Variants in GNA14 observed in about 807,000 individuals in gnomAD.
GNA14 encodes the protein guanine nucleotide-binding protein subunit alpha-14.
Under a neutral mutation model 42.0 loss-of-function variants are expected in GNA14, and 50 were observed. The observed-to-expected ratio is 1.19, with a 90% CI of 0.95 to 1.51. The LOEUF is 1.51. GNA14 is among the 40% of genes most tolerant of loss of function. The probability of loss-of-function intolerance (pLI) is 0.00; values close to 1 mark genes in which losing one functional copy is unlikely to be tolerated. For synonymous variants in GNA14, 173 were observed against 163.1 expected, an observed-to-expected ratio of 1.06 and a Z score of -0.46; for missense variants, 473 against 446.2, an observed-to-expected ratio of 1.06 and a Z score of -0.54.
chr9:77,455,634 TA>T (rs1371054944), intron 2 of GNA14, among the ~76,000 whole-genome samples: 2 of 152,214 alleles, frequency 1.3e-5, no homozygotes, highest in Non-Finnish European at 2.9e-5. Flanking sequence ...CATATAGGGT[TA>T]TTGTTAGGGT....
At chr9:77,466,711 AC>A (rs1183010357) in intron 2 of GNA14, among the ~76,000 whole-genome samples, 1 of 152,116 alleles carries the variant, frequency 6.6e-6, no homozygotes, top group Non-Finnish European at 1.5e-5. Flanking sequence ...AGAGCTGGAC[AC>A]TTTAGATAAT....
intron 2 of GNA14, among the ~76,000 whole-genome samples, chr9:77,500,608 T>A (rs908401422): frequency 6.6e-6 from 1 of 152,124 alleles, no homozygotes; most frequent in Non-Finnish European, 1.5e-5. Flanking sequence ...CCCATCCCCA[T>A]CCCCACTGAG....
chr9:77,579,960 T>C (rs2117854317), intron 1 of GNA14, among the ~76,000 whole-genome samples: 2 of 152,348 alleles, frequency 1.3e-5, no homozygotes, highest in Admixed American at 1.3e-4. Flanking sequence ...GAACCTATTA[T>C]GAGCCAGGGT....
In GNA14 at chr9:77,580,966, T is replaced by C. The variant is rs556509050; in HGVS notation, c.125-51713A>G. On this transcript the variant is annotated intron_variant, in intron 1 of 6. Transcript: ENST00000341700. ...GCAGCTGCCTCACTGCCCATTGATT[T>C]CTTCAGAAGTTTCAATGCTTAAAGA... is the stretch of plus-strand genomic sequence containing the variant. Among the ~76,000 whole-genome samples the C allele has an allele frequency of 3.9e-5, 6 of 152,034 alleles. 1 individual carries two copies. In the South Asian group the frequency reaches 1.0e-3, roughly 26 times the overall value.
At chr9:77,587,799 T>C (rs1823328709) in intron 1 of GNA14, among the ~76,000 whole-genome samples, 1 of 152,198 alleles carries the variant, frequency 6.6e-6, no homozygotes, top group Non-Finnish European at 1.5e-5. Context: ...TCACTGCAAT[T>C]GAAACACATG....
intron 1 of GNA14, among the ~76,000 whole-genome samples, chr9:77,542,131 T>C (rs1837668292): frequency 6.6e-6 from 1 of 152,200 alleles, no homozygotes; most frequent in African/African-American, 2.4e-5. Flanking sequence ...TTTACGTTGA[T>C]ATCTGGTGTA....
intron 2 of GNA14, among the ~76,000 whole-genome samples, chr9:77,452,732 A>G (rs971877848): frequency 2.5e-5 from 3 of 121,874 alleles, no homozygotes; most frequent in African/African-American, 9.1e-5. Flanking sequence ...TCCAAAATCC[A>G]TACGTTGAAC....
intron 2 of GNA14, among the ~76,000 whole-genome samples, chr9:77,490,402 C>T (rs1240490509): frequency 4.6e-5 from 7 of 152,212 alleles, no homozygotes; most frequent in African/African-American, 7.2e-5. Flanking sequence ...AGCCCTTGGG[C>T]GGTGGATGGG....
At chr9:77,580,020 T>C (rs1008256022) in intron 1 of GNA14, among the ~76,000 whole-genome samples, 3 of 152,250 alleles carry the variant, frequency 2.0e-5, no homozygotes, top group African/African-American at 7.2e-5. Flanking sequence ...GTTGGAAATA[T>C]TCCCGGCCCA....
At chr9:77,647,294 C>T (rs376410681) in intron 1 of GNA14, among the ~76,000 whole-genome samples, 1 of 152,200 alleles carries the variant, frequency 6.6e-6, no homozygotes, top group Non-Finnish European at 1.5e-5. Context: ...CGGGTCAGAG[C>T]TAGCGCTGAA....
intron 2 of GNA14, among the ~76,000 whole-genome samples, chr9:77,447,004 C>T (rs371397311): frequency 2.6e-5 from 4 of 151,184 alleles, no homozygotes; most frequent in South Asian, 4.2e-4. Context: ...CATTCTGTTG[C>T]CCAGGCTGGA....
chr9:77,486,481 A>C (rs1836661508), intron 2 of GNA14, among the ~76,000 whole-genome samples: 1 of 152,206 alleles, frequency 6.6e-6, no homozygotes, highest in Non-Finnish European at 1.5e-5. Flanking sequence ...TAGCACTTCC[A>C]ATTTCTTTGA....
chr9:77,594,735 C>T (rs1309475634), intron 1 of GNA14, among the ~76,000 whole-genome samples: 3 of 152,180 alleles, frequency 2.0e-5, no homozygotes, highest in Admixed American at 6.5e-5. Context: ...TAACTAGAAA[C>T]TCTTTCTTAG....
intron 4 of GNA14, among the ~76,000 whole-genome samples, chr9:77,430,063 T>C (rs1408305053): frequency 2.6e-5 from 4 of 152,172 alleles, no homozygotes; most frequent in Admixed American, 1.3e-4. Flanking sequence ...TCTTGAACCA[T>C]GTCCTGGAGG....
At chr9:77,568,421 G>A (rs940311273) in intron 1 of GNA14, among the ~76,000 whole-genome samples, 1 of 151,640 alleles carries the variant, frequency 6.6e-6, no homozygotes, top group South Asian at 2.1e-4. Context: ...GAACCCAGGA[G>A]GTGGAGGTTG....
intron 2 of GNA14, among the ~76,000 whole-genome samples, chr9:77,514,301 C>T (rs942149864): frequency 5.9e-5 from 9 of 152,136 alleles, no homozygotes; most frequent in African/African-American, 1.9e-4. Context: ...TGAGCACGTC[C>T]TCTGAGGTTG....
intron 1 of GNA14, among the ~76,000 whole-genome samples, chr9:77,567,943 A>G (rs1367542479): frequency 6.6e-6 from 1 of 152,200 alleles, no homozygotes; most frequent in Non-Finnish European, 1.5e-5. Flanking sequence ...TTCTAAAATG[A>G]TATTTATTGA....
rs77679416 is a variant in GNA14, at chr9:77,548,786, C to A, written c.125-19533G>T. Reference sequence around the variant, plus strand: ...TTGATTAGGAGTAAATGTGCATAAACGATCATATTATTAAGCTTCTGCACC... The same window carrying A: ...TTGATTAGGAGTAAATGTGCATAAAAGATCATATTATTAAGCTTCTGCACC... On this transcript the variant is annotated intron_variant, in intron 1 of 6. Coordinates refer to ENST00000341700, the MANE Select transcript of GNA14 (RefSeq NM_004297.4). 4.5e-3 allele frequency among the ~76,000 whole-genome samples: 692 copies of A among 152,252 alleles called. 18 individuals carry two copies. The highest frequency in any genetic ancestry group is 0.033 in the East Asian group (173 of 5,176).
chr9:77,536,413 C>T (rs908054904), intron 1 of GNA14, among the ~76,000 whole-genome samples: 4 of 152,116 alleles, frequency 2.6e-5, no homozygotes, highest in Non-Finnish European at 5.9e-5. Flanking sequence ...TGCAGTCACA[C>T]GATCTTGGTT....
Sources: allele counts gnomAD v4.1 joint callset (sites outside exome capture counted in the v4.1 genomes callset), GRCh38; gene constraint gnomAD v4.1.1; transcripts MANE v1.5; gene names NCBI Gene and HGNC (gene_info 2026-07-23, HGNC 2026-07-21).